The following NRXN3 variants were observed in gnomAD, a reference collection of about 807,000 sequenced individuals.
NRXN3 encodes the protein neurexin 3.
NRXN3 carries 32 observed loss-of-function variants against 137.6 expected under a neutral mutation model. That is an observed-to-expected ratio of 0.23 (90% confidence interval 0.18 to 0.31). The LOEUF is 0.31. Ranked by LOEUF, NRXN3 falls within the 10% of genes least tolerant of loss-of-function variation. The pLI is 1.00. For synonymous variants in NRXN3, 798 were observed against 784.5 expected, an observed-to-expected ratio of 1.02 and a Z score of -0.29; for missense variants, 1,574 against 2,062.5, an observed-to-expected ratio of 0.76 and a Z score of 4.59.
At chr14:78,250,571 G>A (rs553717057) in intron 2 of NRXN3, among the ~76,000 whole-genome samples, 8 of 152,344 alleles carry the variant, frequency 5.3e-5, no homozygotes, top group African/African-American at 1.4e-4. Context: ...TTATGACTGC[G>A]GGATGGGATT....
intron 15 of NRXN3, chr14:79,201,415 G>A (rs368491979): frequency 3.5e-4 from 53 of 152,224 alleles, no homozygotes; most frequent in African/African-American, 1.2e-3. Flanking sequence ...TTTTTAAAAG[G>A]TTGTTAAAAG....
chr14:79,359,805 C>G (rs543621498), intron 15 of NRXN3, among the ~76,000 whole-genome samples: 4 of 152,138 alleles, frequency 2.6e-5, no homozygotes, highest in African/African-American at 9.6e-5. Context: ...TAGGGAATCA[C>G]CCTTGCAAGC....
In NRXN3 at chr14:78,428,138, A is replaced by G. The variant is rs370676195; in HGVS notation, c.757+130278A>G. Among the ~76,000 whole-genome samples the G allele has an allele frequency of 1.2e-4, 18 of 152,374 alleles. 1 individual carries two copies. The East Asian group carries it at 3.5e-3, about 29-fold the overall frequency. On this transcript the variant is annotated intron_variant, in intron 4 of 20. Coordinates refer to ENST00000335750, the MANE Select transcript of NRXN3 (RefSeq NM_001330195.2). The stretch of plus-strand genomic sequence containing the variant: ...TGAGGTAAAAGTCAAAACCACAAAC[A>G]TAGCACCTGCCATGTAGTTGAGACT...
At chr14:78,399,244 AC>A (rs1411125849) in intron 4 of NRXN3, among the ~76,000 whole-genome samples, 1 of 152,194 alleles carries the variant, frequency 6.6e-6, no homozygotes, top group Non-Finnish European at 1.5e-5. Context: ...TAGTATAAAA[AC>A]AACCATATAC....
intron 15 of NRXN3, among the ~76,000 whole-genome samples, chr14:79,027,059 A>G (rs1194274770): frequency 2.1e-5 from 3 of 143,838 alleles, no homozygotes; most frequent in African/African-American, 7.7e-5. Flanking sequence ...GCAGGACAAC[A>G]TTTTCCATAT....
At chr14:78,928,521 A>G (rs574077638) in intron 10 of NRXN3, among the ~76,000 whole-genome samples, 2 of 152,100 alleles carry the variant, frequency 1.3e-5, no homozygotes, top group African/African-American at 2.4e-5. Context: ...TCATTGTTCA[A>G]TTCCAACCTG....
At chr14:79,631,236 A>G (rs928638304) in intron 16 of NRXN3, among the ~76,000 whole-genome samples, 1 of 152,256 alleles carries the variant, frequency 6.6e-6, no homozygotes, top group Non-Finnish European at 1.5e-5. Flanking sequence ...AATTGCCAAC[A>G]GCAGTAAGTG....
chr14:78,435,590 A>C (rs1183980730), intron 4 of NRXN3, among the ~76,000 whole-genome samples: 1 of 152,184 alleles, frequency 6.6e-6, no homozygotes, highest in Non-Finnish European at 1.5e-5. Context: ...GTGAAAACAA[A>C]AGTGTAGTGT....
At chr14:79,095,360 A>G (rs757259659) in intron 15 of NRXN3, among the ~76,000 whole-genome samples, 11 of 152,276 alleles carry the variant, frequency 7.2e-5, no homozygotes, top group African/African-American at 2.6e-4. Flanking sequence ...TAAGTTAGCT[A>G]TGCTTTTCCC....
intron 8 of NRXN3, among the ~76,000 whole-genome samples, chr14:78,729,656 C>T (rs1243537967): frequency 6.6e-6 from 1 of 152,090 alleles, no homozygotes; most frequent in Non-Finnish European, 1.5e-5. Flanking sequence ...TGCAAAATAC[C>T]CTAACTCATA....
chr14:78,941,697 GCTGTCAT>G (rs551368138), intron 10 of NRXN3, among the ~76,000 whole-genome samples: 1 of 152,128 alleles, frequency 6.6e-6, no homozygotes, highest in Non-Finnish European at 1.5e-5. Flanking sequence ...GTTTCTTACT[GCTGTCAT>G]CTGTAAAATG....
At chr14:79,767,721 C>G (rs2099060883) in intron 19 of NRXN3, among the ~76,000 whole-genome samples, 1 of 152,196 alleles carries the variant, frequency 6.6e-6, no homozygotes, top group Non-Finnish European at 1.5e-5. Context: ...CCCAAAGTTA[C>G]ACAGCTGATA....
chr14:78,499,872 G>GGA (rs1433453046), intron 4 of NRXN3, among the ~76,000 whole-genome samples: 4 of 151,144 alleles, frequency 2.6e-5, no homozygotes, highest in East Asian at 1.9e-4. Flanking sequence ...AGAGAGAGAG[G>GGA]GAGAGAGAGA....
In NRXN3 at chr14:78,505,190, GT is replaced by G. The variant is rs369248574; in HGVS notation, c.758-139920del. ...GGCTGAAGTCAACCTACCTAGGAAG[GT>G]TTTTTTTTTAAGATGAGGTGGAAGA... On this transcript the variant is annotated intron_variant, in intron 4 of 20. Coordinates refer to ENST00000335750, the MANE Select transcript of NRXN3 (RefSeq NM_001330195.2). Among the ~76,000 whole-genome samples, 82 of 149,400 alleles carry G rather than the reference GT, an allele frequency of 5.5e-4. 1 individual carries two copies. Among genetic ancestry groups the G allele is most frequent in the African/African-American group, 1.3e-3 (54 of 40,770 alleles).
intron 4 of NRXN3, among the ~76,000 whole-genome samples, chr14:78,512,320 A>T (rs11159368): frequency 6.6e-6 from 1 of 151,970 alleles, no homozygotes; most frequent in South Asian, 2.1e-4. Flanking sequence ...TTAAGCCACT[A>T]AGTTTGGTGG....
rs2076456004 is a variant in NRXN3 at position 78,297,418 on chromosome 14, T to TTAA, written c.728-413_728-412insTAA. ...AGTTTCTACAGTGACCATGTATTGC[T>TTAA]ATTACAAGTAATTTAAAAGAAAGAA... On this transcript the variant is annotated intron_variant, in intron 3 of 20. Coordinates refer to ENST00000335750, the MANE Select transcript of NRXN3 (RefSeq NM_001330195.2). 3.3e-5 allele frequency among the ~76,000 whole-genome samples: 5 copies of TTAA among 152,356 alleles called. No individual in the cohort carries two copies. In the South Asian group the frequency reaches 1.0e-3, roughly 32 times the overall value.
At chr14:79,724,970 A>G (rs2098874544) in intron 19 of NRXN3, among the ~76,000 whole-genome samples, 1 of 152,114 alleles carries the variant, frequency 6.6e-6, no homozygotes, top group Admixed American at 6.6e-5. Context: ...ACCAGTCTTG[A>G]GGTGATCAAA....
At chr14:79,019,937 C>T (rs1017605683) in intron 15 of NRXN3, among the ~76,000 whole-genome samples, 21 of 151,738 alleles carry the variant, frequency 1.4e-4, no homozygotes, top group African/African-American at 5.1e-4. Flanking sequence ...GGTTATGTGT[C>T]TGGTAGAGAA....
intron 4 of NRXN3, among the ~76,000 whole-genome samples, chr14:78,326,701 G>T (rs114558400): frequency 6.6e-6 from 1 of 152,140 alleles, no homozygotes; most frequent in Non-Finnish European, 1.5e-5. Context: ...GGCAAAATTC[G>T]CTCTGAAGTT....
Sources: gnomAD v4.1 joint callset for allele counts (sites outside exome capture counted in the v4.1 genomes callset) on GRCh38, gnomAD v4.1.1 for gene constraint, MANE v1.5 for transcripts, NCBI Gene and HGNC (gene_info 2026-07-23, HGNC 2026-07-21) for gene names.